PALD1: variants seen among roughly 807,000 people sequenced by gnomAD.
PALD1 encodes phosphatase domain containing paladin 1, also known as paladin.
PALD1 carries 57 observed loss-of-function variants against 96.0 expected under a neutral mutation model. That is an observed-to-expected ratio of 0.59 (90% confidence interval 0.48 to 0.74). The LOEUF is 0.74. Among genes scored for constraint, PALD1 ranks in the 30% least tolerant of loss-of-function variants. The pLI, the probability that PALD1 is intolerant of heterozygous loss-of-function variation, is 0.00. For missense variants in PALD1, 1,063 were observed against 1,143.7 expected (o/e 0.93, Z 1.02); for synonymous variants, 464 against 473.6 (o/e 0.98, Z 0.26).
At chr10:70,514,475 T>C (rs1846582120) in intron 1 of PALD1, among the ~76,000 whole-genome samples, 4 of 152,104 alleles carry the variant, frequency 2.6e-5, no homozygotes, top group Admixed American at 2.6e-4. Context: ...TATTTTAACA[T>C]TTAGATTGGA....
rs1398333232 is a variant in PALD1 at position 70,547,386 on chromosome 10, C to T, written c.2202C>T (p.Ser734=). The change falls in exon 18 of 20, where the codon AGC becomes AGT. Residue 734 remains serine (S), a synonymous_variant. Coordinates refer to ENST00000263563, the MANE Select transcript of PALD1 (RefSeq NM_014431.3). ...TGGACGCAGCGCTGGACACTGTCAG[C>T]GAGACCATGACGCCCATGCACTACC... ...KEVDAALDTV[S]ETMTPMHYHL... is the part of the protein sequence containing the mutation. 7 of 1,612,756 alleles carry T rather than the reference C, an allele frequency of 4.3e-6. No homozygotes were observed. The Admixed American group carries it at 5.0e-5, about 12-fold the overall frequency.
Position 70,539,868 on chromosome 10 carries a change from G to C in PALD1, c.1908+106G>C. 1 of 1,012,732 alleles carries C rather than the reference G, an allele frequency of 9.9e-7. No homozygotes were observed. Among genetic ancestry groups the C allele is most frequent in the Non-Finnish European group, 1.4e-6 (1 of 691,340 alleles). 62.7% of individuals were successfully genotyped at this position (1,012,732 alleles called of 1,614,324 possible). A position where few individuals can be genotyped will look rare whatever the true frequency, so the allele number is the denominator to read the frequency against. On this transcript the variant is annotated intron_variant, in intron 15 of 19. Transcript: ENST00000263563. This position sits in a 1 kb window ranked among gnomAD's most constrained non-coding sequence, Gnocchi z 4.5. Reference sequence around the variant, plus strand: ...AATGAAACGACCCCAGCTTCTCTACGGGGCCCGGGAATGGTCTCACGAGGT... The same window carrying C: ...AATGAAACGACCCCAGCTTCTCTACCGGGCCCGGGAATGGTCTCACGAGGT...
chr10:70,505,076 A>C (rs1212078341), intron 1 of PALD1, among the ~76,000 whole-genome samples: 1 of 152,252 alleles, frequency 6.6e-6, no homozygotes, highest in Non-Finnish European at 1.5e-5. Flanking sequence ...ATGTGGATAC[A>C]TTTCATGTCA....
chr10:70,464,944 T>C, the PALD1 span, among the ~76,000 whole-genome samples: 1 of 104,152 alleles, frequency 9.6e-6, no homozygotes, highest in Non-Finnish European at 1.8e-5. Flanking sequence ...TACACTTGTA[T>C]GTATGTATGT....
At position 70,538,392 on chromosome 10, in the gene PALD1, T is replaced by C. The variant is rs768909061; in HGVS notation, c.1436T>C (p.Ile479Thr). 1 of 1,611,896 alleles carries C rather than the reference T, an allele frequency of 6.2e-7. No individual in the cohort carries two copies. Among genetic ancestry groups the C allele is most frequent in the Non-Finnish European group, 8.5e-7 (1 of 1,179,964 alleles). ...GGCCCTGTGGCTCCGAGGGACCTCA[T>C]CGCCAGGGGCTCCCTAGTGAGTATG... ...SAGPVAPRDLIARGSLREDDL... is the reference protein window; with the variant it reads ...SAGPVAPRDLTARGSLREDDL... Residue 479 changes from isoleucine to threonine, a missense_variant, in exon 12 of 20, where the codon ATC (isoleucine) becomes ACC (threonine). Coordinates refer to ENST00000263563, the MANE Select transcript of PALD1 (RefSeq NM_014431.3).
chr10:70,532,936 G>A, intron 6 of PALD1, 59 bp from the exon 7 acceptor site: 1 of 1,527,922 alleles, frequency 6.5e-7, no homozygotes, highest in Non-Finnish European at 8.9e-7. Flanking sequence ...GGGAATAGGG[G>A]GTGAGGGGGA....
At chr10:70,537,437 G>A (rs570161200) in intron 10 of PALD1, among the ~76,000 whole-genome samples, 8 of 152,206 alleles carry the variant, frequency 5.3e-5, no homozygotes, top group African/African-American at 7.2e-5. Context: ...CCTCTGGCTC[G>A]GGGGTGTTCA....
At chr10:70,553,689 AG>A (rs1234369808) in intron 18 of PALD1, among the ~76,000 whole-genome samples, 2 of 152,160 alleles carry the variant, frequency 1.3e-5, no homozygotes, top group African/African-American at 2.4e-5. Flanking sequence ...CAGATTTAGG[AG>A]GGGGACAAGA....
the PALD1 span, among the ~76,000 whole-genome samples, chr10:70,463,334 C>T: frequency 7.2e-5 from 11 of 152,052 alleles, no homozygotes; most frequent in African/African-American, 2.7e-4. Context: ...GGCGTGAACC[C>T]GGCAGGCGGG....
In PALD1 at chr10:70,567,024, C is replaced by T. The variant is rs993512795; in HGVS notation, c.*291C>T. ...TGCTGTGTGTACCTTGCAGACAGGC[C>T]GGCGTTCAGCCTCCAAGGGGCTCAC... On this transcript the variant is annotated 3_prime_UTR_variant, in exon 20 of 20. Transcript: ENST00000263563. 4 of 338,474 alleles carry T rather than the reference C, an allele frequency of 1.2e-5. No individual in the cohort carries two copies. Among genetic ancestry groups the T allele is most frequent in the East Asian group, 5.5e-5 (1 of 18,230 alleles). 21.0% of individuals were successfully genotyped at this position (338,474 alleles called of 1,614,324 possible). A position where few individuals can be genotyped will look rare whatever the true frequency, so the allele number is the denominator to read the frequency against.
intron 3 of PALD1, 57 bp downstream of exon 3, chr10:70,529,388 T>G: frequency 2.5e-6 from 2 of 812,268 alleles, no homozygotes; most frequent in Non-Finnish European, 4.2e-6. Context: ...CTATCTCTCA[T>G]GAATTCCCTC....
At chr10:70,503,211 G>A (rs1441063275) in intron 1 of PALD1, among the ~76,000 whole-genome samples, 1 of 152,080 alleles carries the variant, frequency 6.6e-6, no homozygotes, top group African/African-American at 2.4e-5. Context: ...AAGTTAGGTT[G>A]GACATTGTGT....
chr10:70,564,119 C>CCACT (rs1338190493), intron 18 of PALD1, among the ~76,000 whole-genome samples: 19 of 152,268 alleles, frequency 1.2e-4, no homozygotes, highest in Middle Eastern at 3.4e-3. Flanking sequence ...GGTTATGATT[C>CCACT]CATGGCGAGG....
chr10:70,537,524 C>A (rs1322367794), intron 10 of PALD1, among the ~76,000 whole-genome samples: 1 of 152,236 alleles, frequency 6.6e-6, no homozygotes, highest in Non-Finnish European at 1.5e-5. Flanking sequence ...GAGGGAGCCC[C>A]TGCCTGTCTT....
rs200658801 is a variant in PALD1 at position 70,541,197 on chromosome 10, C to G, written c.2004C>G (p.Thr668=). 134 of 1,613,688 alleles carry G rather than the reference C, an allele frequency of 8.3e-5. No homozygotes were observed. The highest frequency in any genetic ancestry group is 1.5e-4 in the Admixed American group (9 of 59,930). ...VFSCLSGQGR[T]TTAMVVAVLA... ...GCTGCCTCAGCGGCCAGGGCCGTACCACAACTGCGATGGTGGTGGCTGTCC... is the reference window on the plus strand; with the variant it reads ...GCTGCCTCAGCGGCCAGGGCCGTACGACAACTGCGATGGTGGTGGCTGTCC... The change falls in exon 16 of 20, where the codon ACC becomes ACG. Residue 668 remains threonine (T), a synonymous_variant. Coordinates refer to ENST00000263563, the MANE Select transcript of PALD1 (RefSeq NM_014431.3).
chr10:70,519,474 C>T (rs1846684276), intron 1 of PALD1, among the ~76,000 whole-genome samples: 1 of 152,108 alleles, frequency 6.6e-6, no homozygotes, highest in African/African-American at 2.4e-5. Context: ...GCACTGATCC[C>T]ATTCCTGAGG....
chr10:70,523,471 G>C (rs1846783020), intron 1 of PALD1, among the ~76,000 whole-genome samples: 1 of 152,182 alleles, frequency 6.6e-6, no homozygotes, highest in African/African-American at 2.4e-5. Flanking sequence ...AGTTTGATGA[G>C]GGCCGTTTGG....
chr10:70,498,283 A>T (rs992564349), intron 1 of PALD1, among the ~76,000 whole-genome samples: 3 of 152,082 alleles, frequency 2.0e-5, no homozygotes, highest in Non-Finnish European at 4.4e-5. Context: ...CATTTATTTT[A>T]TTTTTCTTTA....
chr10:70,539,752 C>G lies in PALD1; in HGVS notation c.1898C>G (p.Pro633Arg), dbSNP rs963660882. ...HRIPMPDFCAPREEDFDQLLE... is the reference protein window; with the variant it reads ...HRIPMPDFCARREEDFDQLLE... The stretch of plus-strand genomic sequence containing the variant: ...ATCCCCATGCCGGACTTCTGTGCCC[C>G]CCGAGAGGAGGTGAGGGTGCTGCTC... Residue 633 changes from proline to arginine, a missense_variant, in exon 15 of 20, where the codon CCC becomes CGC. By Grantham distance (103) the Pro-to-Arg change is moderately radical. Coordinates refer to ENST00000263563, the MANE Select transcript of PALD1 (RefSeq NM_014431.3). This position sits in a 1 kb window ranked among gnomAD's most constrained non-coding sequence, Gnocchi z 4.5. 1.4e-5 allele frequency: 22 copies of G among 1,609,042 alleles called. No homozygotes were observed. The African/African-American group carries it at 1.7e-4, about 13-fold the overall frequency.
Sources: gnomAD v4.1 joint callset for allele counts (sites outside exome capture counted in the v4.1 genomes callset) on GRCh38, gnomAD v4.1.1 for gene constraint, Gnocchi (gnomAD v3.1) non-coding constraint, MANE v1.5 for transcripts, NCBI Gene and HGNC (gene_info 2026-07-23, HGNC 2026-07-21) for gene names.